The following COP1 variants were observed in gnomAD, a reference collection of about 807,000 sequenced individuals.
The protein encoded by COP1 is COP1 E3 ubiquitin ligase, also known as E3 ubiquitin-protein ligase COP1.
Under a neutral mutation model 101.3 loss-of-function variants are expected in COP1, and 24 were observed. The ratio of observed to expected loss-of-function variants is 0.24; its 90% CI spans 0.17 to 0.33. The LOEUF is 0.33. COP1 is among the 10% of genes least tolerant of loss of function. COP1 has a pLI of 1.00. For synonymous variants in COP1, 347 were observed against 341.9 expected, an observed-to-expected ratio of 1.01 and a Z score of -0.17; for missense variants, 663 against 906.2, an observed-to-expected ratio of 0.73 and a Z score of 3.45.
rs1401746521 is a variant in COP1 at position 176,206,597 on chromosome 1, C to G, written c.382G>C (p.Glu128Gln). 3.1e-6 allele frequency: 5 copies of G among 1,611,590 alleles called. No individual in the cohort carries two copies. Among genetic ancestry groups the G allele is most frequent in the Non-Finnish European group, 4.2e-6 (5 of 1,179,936 alleles). Residue 128 changes from glutamate (E) to glutamine (Q), a missense_variant, in exon 1 of 20, where the codon GAG (glutamate) becomes CAG (glutamine). This residue lies in a region of COP1 where 204 missense variants were observed against 203.6 expected (regional missense o/e 1.00). Transcript: ENST00000367669. ...PLCNGLINSYEDKSNDFVCPI... is the reference protein window; with the variant it reads ...PLCNGLINSYQDKSNDFVCPI... ...CATACGAAGTCGTTGCTTTTGTCCT[C>G]GTAGGAGTTGATGAGCCCGTTGCAG...
intron 5 of COP1, chr1:176,160,147 A>C: frequency 4.5e-6 from 1 of 222,896 alleles, no homozygotes; most frequent in Non-Finnish European, 9.1e-6. Context: ...TTCGAAGCCA[A>C]AAAGGAAACA....
chr1:176,134,044 G>T (rs1224106169), intron 8 of COP1: 2 of 344,556 alleles, frequency 5.8e-6, no homozygotes, highest in African/African-American at 4.3e-5. Context: ...TATAATTAAT[G>T]GGAAAAATGT....
At chr1:175,951,360 A>G (rs1032906090) in intron 18 of COP1, among the ~76,000 whole-genome samples, 1 of 148,960 alleles carries the variant, frequency 6.7e-6, no homozygotes, top group African/African-American at 2.4e-5. Context: ...ATAGAGATAG[A>G]TGTAACTGAT....
intron 18 of COP1, among the ~76,000 whole-genome samples, chr1:175,950,385 A>G (rs1418149489): frequency 6.6e-6 from 1 of 152,202 alleles, no homozygotes; most frequent in Non-Finnish European, 1.5e-5. Context: ...ATAGCTAGAT[A>G]TTGGCTTAAG....
At chr1:176,182,202 C>T (rs749299682) in intron 2 of COP1, among the ~76,000 whole-genome samples, 4 of 152,060 alleles carry the variant, frequency 2.6e-5, no homozygotes, top group Non-Finnish European at 4.4e-5. Context: ...CAATCTATTT[C>T]GTATTTCAAC....
At chr1:176,116,775 T>C in intron 8 of COP1, 94 bp from the exon 9 acceptor site, 1 of 827,544 alleles carries the variant, frequency 1.2e-6, no homozygotes, top group South Asian at 1.8e-5. Flanking sequence ...ATAAGCCCAG[T>C]ATTTCTAATT....
chr1:176,067,984 C>G (rs902800713), intron 11 of COP1, among the ~76,000 whole-genome samples: 1 of 152,204 alleles, frequency 6.6e-6, no homozygotes, highest in Non-Finnish European at 1.5e-5. Context: ...ATCGCACACC[C>G]TGCAAGGGGG....
intron 9 of COP1, among the ~76,000 whole-genome samples, chr1:176,091,649 G>A (rs1681340455): frequency 6.6e-6 from 1 of 152,054 alleles, no homozygotes; most frequent in Admixed American, 6.5e-5. Context: ...GATGATAAGT[G>A]TGAATAAATT....
At chr1:176,158,145 C>T (rs1462032644) in intron 5 of COP1, among the ~76,000 whole-genome samples, 1 of 151,592 alleles carries the variant, frequency 6.6e-6, no homozygotes, top group Non-Finnish European at 1.5e-5. Context: ...AACACTTACA[C>T]CCATAAAAAG....
At chr1:176,176,049 G>T in intron 2 of COP1, 42 bp from the exon 3 acceptor site, 1 of 926,202 alleles carries the variant, frequency 1.1e-6, no homozygotes, top group South Asian at 1.4e-5. Flanking sequence ...TTAAATCAAT[G>T]AAAAATTAAT....
chr1:175,996,859 A>G (rs1461642007), intron 15 of COP1, among the ~76,000 whole-genome samples: 1 of 152,146 alleles, frequency 6.6e-6, no homozygotes, highest in Non-Finnish European at 1.5e-5. Flanking sequence ...ATCCCCATCA[A>G]GCTACCAATG....
At chr1:176,108,722 T>G (rs1264728058) in intron 9 of COP1, among the ~76,000 whole-genome samples, 1 of 152,072 alleles carries the variant, frequency 6.6e-6, no homozygotes, top group Non-Finnish European at 1.5e-5. Flanking sequence ...TTGCAAAAAT[T>G]GAGTATTATT....
chr1:176,005,820 A>G (rs1571601171), intron 15 of COP1, among the ~76,000 whole-genome samples: 1 of 152,070 alleles, frequency 6.6e-6, no homozygotes, highest in Non-Finnish European at 1.5e-5. Context: ...AAACATGCAT[A>G]TTCTGTTGAT....
At position 176,162,948 on chromosome 1, in the gene COP1, G is replaced by C. The variant is rs756023372; in HGVS notation, c.683C>G (p.Thr228Ser). ...RWQIFQDWLG[T>S]DQDNLDLANV... ...GGCCAAATCAAGGTTATCTTGGTCA[G>C]TTCCCAACCAATCTTGAAATATCTG... is the stretch of plus-strand genomic sequence containing the variant. Residue 228 changes from threonine (T) to serine (S), a missense_variant, in exon 5 of 20, where the codon ACT (threonine) becomes AGT (serine). Thr to Ser is a moderately conservative substitution (Grantham distance 58, BLOSUM62 1). This residue lies in a region of COP1 where 212 missense variants were observed against 240.7 expected (regional missense o/e 0.88). Coordinates refer to ENST00000367669, the MANE Select transcript of COP1 (RefSeq NM_022457.7). 18 of 1,608,390 alleles carry C rather than the reference G, an allele frequency of 1.1e-5. No individual in the cohort carries two copies. The African/African-American group carries it at 2.1e-4, about 19-fold the overall frequency.
intron 16 of COP1, chr1:175,988,627 G>A: frequency 2.5e-6 from 1 of 407,336 alleles, no homozygotes; most frequent in Non-Finnish European, 4.4e-6. Context: ...GAGGTCTGGA[G>A]TTCGAGACCA....
chr1:175,964,796 T>C (rs140872196), intron 18 of COP1, among the ~76,000 whole-genome samples: 9 of 152,282 alleles, frequency 5.9e-5, no homozygotes, highest in Non-Finnish European at 2.9e-5. Context: ...TATCCTTCCT[T>C]AAGTAAATAT....
chr1:176,110,563 C>T (rs957692444), intron 9 of COP1, among the ~76,000 whole-genome samples: 2 of 152,122 alleles, frequency 1.3e-5, no homozygotes, highest in African/African-American at 4.8e-5. Context: ...TTGGAAACTT[C>T]ATTATAGCAA....
chr1:176,114,748 C>A (rs932997917), intron 9 of COP1, among the ~76,000 whole-genome samples: 19 of 151,992 alleles, frequency 1.3e-4, no homozygotes, highest in African/African-American at 4.6e-4. Flanking sequence ...CCACCATACC[C>A]AACTAATTTT....
At chr1:176,053,406 AC>A (rs1345437824) in intron 11 of COP1, among the ~76,000 whole-genome samples, 1 of 151,978 alleles carries the variant, frequency 6.6e-6, no homozygotes. Flanking sequence ...TCCTCTACCA[AC>A]CCACGAGTTC....
Sources: allele counts gnomAD v4.1 joint callset (sites outside exome capture counted in the v4.1 genomes callset), GRCh38; gene constraint gnomAD v4.1.1; regional missense constraint gnomAD v4.1.1; transcripts MANE v1.5; gene names NCBI Gene and HGNC (gene_info 2026-07-23, HGNC 2026-07-21).